CAMK1D: variants seen among roughly 807,000 people sequenced by gnomAD.
CAMK1D encodes the protein calcium/calmodulin dependent protein kinase ID.
In CAMK1D, 9 loss-of-function variants were observed where a neutral mutation model predicts 47.7. The observed-to-expected ratio is 0.19, with a 90% confidence interval of 0.11 to 0.33. The LOEUF is 0.33. CAMK1D is among the 10% of genes least tolerant of loss of function. The pLI is 1.00. For missense variants in CAMK1D, 291 were observed against 488.7 expected (o/e 0.60, Z 3.81); for synonymous variants, 184 against 184.9 (o/e 0.99, Z 0.04).
At chr10:12,369,380 G>A (rs575586642) in intron 1 of CAMK1D, among the ~76,000 whole-genome samples, 2 of 152,278 alleles carry the variant, frequency 1.3e-5, no homozygotes, top group East Asian at 1.9e-4. Context: ...TAAACAAAAC[G>A]TGGTTCTTGT....
intron 5 of CAMK1D, among the ~76,000 whole-genome samples, chr10:12,789,576 C>G (rs1837887516): frequency 6.6e-6 from 1 of 152,184 alleles, no homozygotes; most frequent in African/African-American, 2.4e-5. Context: ...CACTCAGGAC[C>G]CAGTTCATGG....
chr10:12,701,198 C>G (rs994124715), intron 3 of CAMK1D, among the ~76,000 whole-genome samples: 3 of 152,008 alleles, frequency 2.0e-5, no homozygotes, highest in Admixed American at 6.5e-5. Context: ...CTGCAACCTC[C>G]GCCTCCGGGG....
intron 3 of CAMK1D, among the ~76,000 whole-genome samples, chr10:12,691,623 A>T (rs1446935249): frequency 1.3e-5 from 2 of 151,106 alleles, no homozygotes; most frequent in Non-Finnish European, 2.9e-5. Context: ...TTTAGTAGAG[A>T]CAGGGTTTCA....
intron 5 of CAMK1D, among the ~76,000 whole-genome samples, chr10:12,778,819 A>T (rs564447974): frequency 2.0e-5 from 3 of 152,196 alleles, no homozygotes; most frequent in East Asian, 1.9e-4. Context: ...GCAACGGCGA[A>T]CTATAAGCAC....
chr10:12,380,657 C>T (rs544751405), intron 1 of CAMK1D, among the ~76,000 whole-genome samples: 7 of 152,134 alleles, frequency 4.6e-5, no homozygotes, highest in South Asian at 4.1e-4. Context: ...GAGATCGAGA[C>T]CATCCTGGCT....
At chr10:12,696,652 A>G (rs1377927368) in intron 3 of CAMK1D, among the ~76,000 whole-genome samples, 1 of 152,232 alleles carries the variant, frequency 6.6e-6, no homozygotes, top group African/African-American at 2.4e-5. Flanking sequence ...GTATTAATAG[A>G]TGAAAATGTC....
intron 8 of CAMK1D, 125 bp from the exon 9 acceptor site, chr10:12,824,340 G>A (rs1428626309): frequency 3.1e-5 from 23 of 747,248 alleles, no homozygotes; most frequent in Middle Eastern, 3.8e-4. Flanking sequence ...GAAGGGCAGC[G>A]GCCAGCCACC....
intron 2 of CAMK1D, among the ~76,000 whole-genome samples, chr10:12,623,705 T>C (rs1274872578): frequency 6.6e-6 from 1 of 150,968 alleles, no homozygotes; most frequent in Non-Finnish European, 1.5e-5. Flanking sequence ...TTTACATACA[T>C]GCTCCCTTTT....
At chr10:12,442,088 CAA>C (rs1832799359) in intron 1 of CAMK1D, among the ~76,000 whole-genome samples, 1 of 152,194 alleles carries the variant, frequency 6.6e-6, no homozygotes, top group African/African-American at 2.4e-5. Flanking sequence ...AATAATTCTT[CAA>C]GTCTTATTAA....
intron 2 of CAMK1D, among the ~76,000 whole-genome samples, chr10:12,658,354 G>A (rs1840178049): frequency 6.6e-6 from 1 of 151,658 alleles, no homozygotes. Context: ...ACCTGCCGGG[G>A]TTCAGTAAAA....
chr10:12,362,972 A>C (rs1837722541), intron 1 of CAMK1D, among the ~76,000 whole-genome samples: 1 of 106,342 alleles, frequency 9.4e-6, no homozygotes, highest in Non-Finnish European at 1.9e-5. Flanking sequence ...ATAGGGTCTC[A>C]CTCTGTCATG....
intron 1 of CAMK1D, among the ~76,000 whole-genome samples, chr10:12,404,287 C>T (rs779837125): frequency 1.3e-5 from 2 of 152,102 alleles, no homozygotes; most frequent in East Asian, 1.9e-4. Context: ...TCAGGTGATC[C>T]GCCCACCTTG....
intron 3 of CAMK1D, among the ~76,000 whole-genome samples, chr10:12,736,970 A>G (rs756524759): frequency 1.3e-5 from 2 of 152,062 alleles, no homozygotes; most frequent in Non-Finnish European, 2.9e-5. Flanking sequence ...GAGTTGCCCC[A>G]AGGTTGCTTC....
chr10:12,760,823 G>A, intron 3 of CAMK1D, 125 bp from the exon 4 acceptor site: 5 of 997,298 alleles, frequency 5.0e-6, no homozygotes, highest in South Asian at 1.6e-5. Flanking sequence ...GAATAGGGGG[G>A]CAACATCTCA....
intron 3 of CAMK1D, among the ~76,000 whole-genome samples, chr10:12,718,416 T>A (rs1423476062): frequency 3.9e-5 from 6 of 152,226 alleles, no homozygotes; most frequent in Admixed American, 1.3e-4. Flanking sequence ...CTGGTGTATC[T>A]TACGCCATTT....
At chr10:12,410,369 C>T (rs1380375342) in intron 1 of CAMK1D, among the ~76,000 whole-genome samples, 1 of 152,112 alleles carries the variant, frequency 6.6e-6, no homozygotes, top group Non-Finnish European at 1.5e-5. Flanking sequence ...GTGCACTTGT[C>T]TGAAGATAAT....
intron 1 of CAMK1D, among the ~76,000 whole-genome samples, chr10:12,520,000 C>T (rs1588582938): frequency 1.5e-5 from 1 of 68,668 alleles, no homozygotes; most frequent in Admixed American, 1.3e-4. Context: ...CTCCTCACTT[C>T]CCAGTAGGGG....
chr10:12,563,100 G>T (rs569166120), intron 2 of CAMK1D, among the ~76,000 whole-genome samples: 50 of 152,366 alleles, frequency 3.3e-4, no homozygotes, highest in Non-Finnish European at 5.7e-4. Context: ...CTGCAAACTG[G>T]AGACCCGGGA....
At chr10:12,472,387 T>C (rs1833773404) in intron 1 of CAMK1D, among the ~76,000 whole-genome samples, 1 of 152,180 alleles carries the variant, frequency 6.6e-6, no homozygotes, top group South Asian at 2.1e-4. Context: ...AACCTTGCTC[T>C]GCTTCTTCTC....
Sources: allele counts gnomAD v4.1 joint callset (sites outside exome capture counted in the v4.1 genomes callset), GRCh38; gene constraint gnomAD v4.1.1; transcripts MANE v1.5; gene names NCBI Gene and HGNC (gene_info 2026-07-23, HGNC 2026-07-21).